Variants in DOCK1 observed in about 807,000 individuals in gnomAD.
DOCK1 encodes dedicator of cytokinesis protein 1.
A neutral mutation model predicts 262.7 loss-of-function variants in DOCK1; 138 were observed. That is an observed-to-expected ratio of 0.53 (90% CI 0.46 to 0.61). The LOEUF is 0.61. DOCK1 is among the 20% of genes least tolerant of loss of function. The pLI is 0.00. For synonymous variants in DOCK1, 866 were observed against 867.4 expected, an observed-to-expected ratio of 1.00 and a Z score of 0.03; for missense variants, 1,908 against 2,370.7, an observed-to-expected ratio of 0.80 and a Z score of 4.05.
intron 47 of DOCK1, among the ~76,000 whole-genome samples, chr10:127,430,631 C>T (rs2069220081): frequency 1.3e-5 from 2 of 148,892 alleles, no homozygotes; most frequent in African/African-American, 4.9e-5. Context: ...CCCACCTGCT[C>T]TCTCCAAAGG....
At chr10:126,945,343 A>G (rs1419067373) in intron 1 of DOCK1, among the ~76,000 whole-genome samples, 2 of 151,790 alleles carry the variant, frequency 1.3e-5, no homozygotes, top group South Asian at 4.2e-4. Flanking sequence ...TTTCCTTCCC[A>G]CGTGGGCCTC....
intron 23 of DOCK1, among the ~76,000 whole-genome samples, chr10:127,074,657 C>T (rs2046410514): frequency 6.6e-6 from 1 of 151,938 alleles, no homozygotes; most frequent in Non-Finnish European, 1.5e-5. Context: ...CCTGTGTCAC[C>T]TTTAGATAGT....
chr10:127,445,853 C>T (rs144062870), intron 50 of DOCK1, among the ~76,000 whole-genome samples: 1 of 152,346 alleles, frequency 6.6e-6, no homozygotes, highest in African/African-American at 2.4e-5. Flanking sequence ...AGTTCTGACA[C>T]GTGCTACAGC....
chr10:126,957,014 C>G (rs2036794208), intron 1 of DOCK1, among the ~76,000 whole-genome samples: 1 of 152,152 alleles, frequency 6.6e-6, no homozygotes, highest in Non-Finnish European at 1.5e-5. Context: ...AACATGGGCT[C>G]TCCCTGGGCA....
At chr10:127,212,480 CTT>C (rs1276508130) in intron 27 of DOCK1, among the ~76,000 whole-genome samples, 1 of 152,086 alleles carries the variant, frequency 6.6e-6, no homozygotes, top group African/African-American at 2.4e-5. Flanking sequence ...TATTCAAAGC[CTT>C]TGATTCAGCG....
chr10:127,170,513 G>A (rs1280603233), intron 27 of DOCK1, among the ~76,000 whole-genome samples: 1 of 152,162 alleles, frequency 6.6e-6, no homozygotes, highest in Non-Finnish European at 1.5e-5. Flanking sequence ...TCATTAGGCT[G>A]TCACCAGCCA....
rs368988252 is a variant in DOCK1 at position 127,415,058 on chromosome 10, C to T, written c.4429-94C>T. 2.8e-3 allele frequency: 3,326 copies of T among 1,208,070 alleles called. 61 individuals are homozygous for T. In the African/African-American group the frequency reaches 0.043, roughly 15 times the overall value. 74.8% of individuals were successfully genotyped at this position (1,208,070 alleles called of 1,614,324 possible). A position where few individuals can be genotyped will look rare whatever the true frequency, so the allele number is the denominator to read the frequency against. Reference sequence around the variant, plus strand: ...CCTGTCCTGCTGAAGGACCTGACTCCTTTGGAGTTATTCTATAAATCCCCC... The same window carrying T: ...CCTGTCCTGCTGAAGGACCTGACTCTTTTGGAGTTATTCTATAAATCCCCC... On this transcript the variant is annotated intron_variant, in intron 43 of 51. Transcript: ENST00000623213.
chr10:126,985,167 G>A (rs965971120), intron 4 of DOCK1, among the ~76,000 whole-genome samples: 1 of 150,578 alleles, frequency 6.6e-6, no homozygotes, highest in Admixed American at 6.6e-5. Context: ...TTTTAGTAGA[G>A]ACAGGGTTTC....
intron 29 of DOCK1, among the ~76,000 whole-genome samples, chr10:127,307,314 C>T (rs767458447): frequency 1.3e-5 from 2 of 152,162 alleles, no homozygotes; most frequent in Non-Finnish European, 2.9e-5. Flanking sequence ...TGCCATGTTT[C>T]GACATTTTAC....
intron 13 of DOCK1, 132 bp downstream of exon 13, chr10:127,018,967 GC>G: frequency 7.4e-7 from 1 of 1,350,038 alleles, no homozygotes; most frequent in Non-Finnish European, 1.0e-6. Flanking sequence ...GACCCTGTAA[GC>G]CCCAGCATGG....
intron 27 of DOCK1, among the ~76,000 whole-genome samples, chr10:127,232,557 C>T (rs994562913): frequency 6.6e-6 from 1 of 152,194 alleles, no homozygotes; most frequent in Non-Finnish European, 1.5e-5. Context: ...GGTGATATTC[C>T]TACCATATTT....
At chr10:127,064,689 C>T (rs191240151) in intron 23 of DOCK1, among the ~76,000 whole-genome samples, 47 of 152,338 alleles carry the variant, frequency 3.1e-4, no homozygotes, top group Non-Finnish European at 6.3e-4. Flanking sequence ...CTCACCGTCC[C>T]TCAGTGAATG....
intron 10 of DOCK1, among the ~76,000 whole-genome samples, chr10:127,003,106 A>G (rs2040716279): frequency 6.6e-6 from 1 of 151,784 alleles, no homozygotes; most frequent in Non-Finnish European, 1.5e-5. Context: ...ACCTGTGTGA[A>G]CCCACGTGAA....
At chr10:127,451,309 T>G (rs2070953061) in intron 51 of DOCK1, 23 bp from the exon 52 acceptor site, 1 of 1,572,392 alleles carries the variant, frequency 6.4e-7, no homozygotes, top group Non-Finnish European at 8.6e-7. Context: ...ATGTGACATC[T>G]TCCCCATCCT....
intron 38 of DOCK1, among the ~76,000 whole-genome samples, chr10:127,400,021 G>T (rs557520420): frequency 2.2e-4 from 33 of 152,144 alleles, no homozygotes; most frequent in Middle Eastern, 3.2e-3. Context: ...AAGGGACCAG[G>T]TAGCAGAGCA....
At chr10:127,271,513 G>A (rs1021012212) in intron 29 of DOCK1, among the ~76,000 whole-genome samples, 24 of 152,126 alleles carry the variant, frequency 1.6e-4, no homozygotes, top group African/African-American at 5.6e-4. Flanking sequence ...CCATGGAACC[G>A]AAATGTTAAC....
intron 22 of DOCK1, among the ~76,000 whole-genome samples, chr10:127,060,953 G>C (rs781003681): frequency 1.3e-5 from 2 of 152,218 alleles, no homozygotes; most frequent in African/African-American, 2.4e-5. Flanking sequence ...GGTAGTGGCC[G>C]CCTGGCGGCT....
At chr10:126,945,084 G>A (rs963363246) in intron 1 of DOCK1, among the ~76,000 whole-genome samples, 2 of 152,146 alleles carry the variant, frequency 1.3e-5, no homozygotes, top group Non-Finnish European at 2.9e-5. Flanking sequence ...TGATCCGCCT[G>A]CCTCGGCCTC....
chr10:127,298,857 A>C (rs1170967883), intron 29 of DOCK1, among the ~76,000 whole-genome samples: 1 of 152,192 alleles, frequency 6.6e-6, no homozygotes, highest in Non-Finnish European at 1.5e-5. Flanking sequence ...GTTGTGAGAA[A>C]GGAGAGAACC....
Sources: allele counts gnomAD v4.1 joint callset (sites outside exome capture counted in the v4.1 genomes callset), GRCh38; gene constraint gnomAD v4.1.1; transcripts MANE v1.5; gene names NCBI Gene and HGNC (gene_info 2026-07-23, HGNC 2026-07-21).